Variants in RBFOX1 observed in about 807,000 individuals in gnomAD.
RBFOX1 encodes RNA binding protein fox-1 homolog 1.
A neutral mutation model predicts 57.7 loss-of-function variants in RBFOX1; 8 were observed. That is an observed-to-expected ratio of 0.14 (90% CI 0.08 to 0.25). RBFOX1 has a LOEUF of 0.25. RBFOX1 is among the 10% of genes least tolerant of loss of function. The pLI, the probability that RBFOX1 is intolerant of heterozygous loss-of-function variation, is 1.00. For synonymous variants in RBFOX1, 326 were observed against 222.4 expected (o/e 1.47, Z -4.15); for missense variants, 611 against 548.5 (o/e 1.11, Z -1.14).
chr16:7,428,314 A>G (rs537059578), intron 4 of RBFOX1, among the ~76,000 whole-genome samples: 195 of 148,926 alleles, frequency 1.3e-3, no homozygotes, highest in African/African-American at 4.6e-3. Context: ...GACCTATGAG[A>G]ATTAATATCT....
intron 3 of RBFOX1, among the ~76,000 whole-genome samples, chr16:6,749,969 A>C (rs911279412): frequency 2.6e-5 from 4 of 152,150 alleles, no homozygotes; most frequent in African/African-American, 9.7e-5. Flanking sequence ...ACAAATGAAA[A>C]GATGGTGCTC....
intron 3 of RBFOX1, among the ~76,000 whole-genome samples, chr16:7,037,472 A>G (rs13329707): frequency 0.45 from 67,931 of 151,802 alleles, 17,922 homozygotes; most frequent in South Asian, 0.62. Flanking sequence ...ACCTCTGACA[A>G]TTGTGATGCT....
intron 3 of RBFOX1, among the ~76,000 whole-genome samples, chr16:6,840,281 C>T (rs1384850905): frequency 3.3e-5 from 5 of 152,062 alleles, no homozygotes; most frequent in Admixed American, 6.6e-5. Context: ...AAAGACCTTC[C>T]GAAAAATGAA....
chr16:5,732,369 T>G (rs1255980269), intron 3 of RBFOX1, among the ~76,000 whole-genome samples: 1 of 152,190 alleles, frequency 6.6e-6, no homozygotes, highest in Non-Finnish European at 1.5e-5. Context: ...GGACTGAAGA[T>G]TCTCAGCCCA....
chr16:6,850,447 T>G (rs942779789), intron 3 of RBFOX1, among the ~76,000 whole-genome samples: 34 of 151,868 alleles, frequency 2.2e-4, no homozygotes, highest in Admixed American at 2.2e-3. Context: ...GGATGACAAA[T>G]GAGGTTTGAG....
chr16:7,696,811 G>C (rs1406680932), intron 14 of RBFOX1, among the ~76,000 whole-genome samples: 2 of 152,184 alleles, frequency 1.3e-5, no homozygotes, highest in African/African-American at 2.4e-5. Flanking sequence ...GAGAAGGCCT[G>C]TCTGAGGGGG....
intron 4 of RBFOX1, among the ~76,000 whole-genome samples, chr16:7,373,153 T>C (rs1317408787): frequency 6.6e-6 from 1 of 152,042 alleles, no homozygotes; most frequent in Non-Finnish European, 1.5e-5. Flanking sequence ...AGGATGGTTA[T>C]CGCTCTCCTG....
At chr16:6,676,134 ACACACGCG>A (rs1200808513) in intron 3 of RBFOX1, among the ~76,000 whole-genome samples, 267 of 18,406 alleles carry the variant, frequency 0.015, 4 homozygotes, top group African/African-American at 0.046. Context: ...GGGGACACAC[ACACACGCG>A]CACACACACA....
At chr16:7,246,137 T>C (rs1166530347) in intron 4 of RBFOX1, among the ~76,000 whole-genome samples, 2 of 152,210 alleles carry the variant, frequency 1.3e-5, no homozygotes, top group Non-Finnish European at 2.9e-5. Context: ...ATACCTAAGC[T>C]GGTAAATGTT....
intron 1 of RBFOX1, among the ~76,000 whole-genome samples, chr16:6,160,130 A>G (rs919197155): frequency 1.3e-5 from 2 of 152,244 alleles, no homozygotes; most frequent in Admixed American, 1.3e-4. Context: ...TACAGGGTTT[A>G]TAAGGTAATG....
intron 1 of RBFOX1, among the ~76,000 whole-genome samples, chr16:5,340,471 C>T (rs997231717): frequency 2.6e-5 from 4 of 152,168 alleles, no homozygotes; most frequent in Non-Finnish European, 4.4e-5. Flanking sequence ...GGATTGCTGC[C>T]ATGGGCACAT....
In RBFOX1 at chr16:7,559,888, G is replaced by A. The variant is rs78258349; in HGVS notation, c.271-19889G>A. ...TTAGGGATGAAGTAACATGTCCAAGGTCAAATAGTTGTCTTTGGTCAACTG... is the reference window on the plus strand; with the variant it reads ...TTAGGGATGAAGTAACATGTCCAAGATCAAATAGTTGTCTTTGGTCAACTG... On this transcript the variant is annotated intron_variant, in intron 5 of 15. Transcript: ENST00000550418. 5.1e-3 allele frequency among the ~76,000 whole-genome samples: 771 copies of A among 152,306 alleles called. 4 individuals are homozygous for A. The highest frequency in any genetic ancestry group is 0.014 in the African/African-American group (587 of 41,576).
At chr16:5,626,915 A>C (rs1183955876) in intron 3 of RBFOX1, among the ~76,000 whole-genome samples, 3 of 152,182 alleles carry the variant, frequency 2.0e-5, no homozygotes, top group Non-Finnish European at 4.4e-5. Context: ...CCCCTTAACA[A>C]CTGAACATCT....
At chr16:7,665,739 G>C (rs1256315508) in intron 13 of RBFOX1, among the ~76,000 whole-genome samples, 1 of 152,126 alleles carries the variant, frequency 6.6e-6, no homozygotes, top group Admixed American at 6.6e-5. Flanking sequence ...AGTGTTGGGA[G>C]ATATTCCCTA....
chr16:6,977,269 C>G (rs951108686), intron 3 of RBFOX1, among the ~76,000 whole-genome samples: 2 of 150,758 alleles, frequency 1.3e-5, no homozygotes, highest in Non-Finnish European at 2.9e-5. Context: ...TGCTCTGCTA[C>G]AAGGGTTTGT....
At chr16:6,544,907 C>A (rs1023875874) in intron 2 of RBFOX1, among the ~76,000 whole-genome samples, 4 of 152,156 alleles carry the variant, frequency 2.6e-5, no homozygotes, top group Non-Finnish European at 4.4e-5. Context: ...CACATGTCTG[C>A]TTTTTATGAT....
At chr16:6,708,745 A>G (rs1353159195) in intron 3 of RBFOX1, among the ~76,000 whole-genome samples, 1 of 152,184 alleles carries the variant, frequency 6.6e-6, no homozygotes, top group Admixed American at 6.5e-5. Flanking sequence ...AGCTCAACTC[A>G]GGCGTCCCTT....
chr16:6,587,873 T>G (rs1245167165), intron 2 of RBFOX1, among the ~76,000 whole-genome samples: 1 of 152,182 alleles, frequency 6.6e-6, no homozygotes, highest in African/African-American at 2.4e-5. Flanking sequence ...ATTGGACAAT[T>G]TGAAAATTAC....
chr16:6,673,050 A>G (rs1042478972), intron 3 of RBFOX1, among the ~76,000 whole-genome samples: 13 of 152,212 alleles, frequency 8.5e-5, no homozygotes, highest in African/African-American at 2.9e-4. Context: ...CCCTGAAGAA[A>G]AACCACAGTG....
Sources: gnomAD v4.1 joint callset for allele counts (sites outside exome capture counted in the v4.1 genomes callset) on GRCh38, gnomAD v4.1.1 for gene constraint, MANE v1.5 for transcripts, NCBI Gene and HGNC (gene_info 2026-07-23, HGNC 2026-07-21) for gene names.